Variants in MRTFA observed in about 807,000 individuals in gnomAD.
MRTFA encodes the protein myocardin-related transcription factor A.
Under a neutral mutation model 83.5 loss-of-function variants are expected in MRTFA, and 20 were observed. That is an observed-to-expected ratio of 0.24 (90% CI 0.17 to 0.35). MRTFA has a LOEUF of 0.35. Among genes scored for constraint, MRTFA ranks in the 10% least tolerant of loss-of-function variants. MRTFA has a pLI of 1.00. For synonymous variants in MRTFA, 659 were observed against 541.2 expected, an observed-to-expected ratio of 1.22 and a Z score of -3.02; for missense variants, 1,200 against 1,224.7, an observed-to-expected ratio of 0.98 and a Z score of 0.30.
At chr22:40,567,465 A>G (rs1383012463) in intron 2 of MRTFA, among the ~76,000 whole-genome samples, 2 of 152,228 alleles carry the variant, frequency 1.3e-5, no homozygotes, top group Non-Finnish European at 2.9e-5. Context: ...TCATCTGCAC[A>G]TATTTTGTGT....
chr22:40,426,047 T>A (rs1602223479), intron 7 of MRTFA, among the ~76,000 whole-genome samples: 1 of 152,118 alleles, frequency 6.6e-6, no homozygotes, highest in East Asian at 1.9e-4. Context: ...GAAGTCTTCC[T>A]GGAGGACAGG....
chr22:40,634,592 A>C (rs2056674958), intron 1 of MRTFA, among the ~76,000 whole-genome samples: 1 of 152,184 alleles, frequency 6.6e-6, no homozygotes, highest in Non-Finnish European at 1.5e-5. Context: ...TGCCTCTCCC[A>C]CTAGACTGTG....
rs115594869 is a variant in MRTFA at position 40,548,138 on chromosome 22, C to T, written c.241+3968G>A. 7.5e-3 allele frequency among the ~76,000 whole-genome samples: 1,133 copies of T among 151,572 alleles called. 14 individuals are homozygous for T. Among genetic ancestry groups the T allele is most frequent in the African/African-American group, 0.026 (1,091 of 41,318 alleles). ...GGCTGAGGCCAGGGGCAGAGGGGAT[C>T]ACTTGAAGTCAGGAGTTCGAGACCT... On this transcript the variant is annotated intron_variant, in intron 3 of 14. Transcript: ENST00000355630.
chr22:40,467,586 T>C (rs1191414343), intron 3 of MRTFA, among the ~76,000 whole-genome samples: 3 of 152,036 alleles, frequency 2.0e-5, no homozygotes, highest in Non-Finnish European at 4.4e-5. Context: ...ACTGCCAAAG[T>C]TACCAAAATC....
chr22:40,509,720 C>T (rs1569303867), intron 3 of MRTFA, among the ~76,000 whole-genome samples: 1 of 152,174 alleles, frequency 6.6e-6, no homozygotes, highest in African/African-American at 2.4e-5. Context: ...CTAATGGCAA[C>T]AGCTTTGCTA....
intron 3 of MRTFA, among the ~76,000 whole-genome samples, chr22:40,513,546 A>G (rs1202676481): frequency 1.3e-5 from 2 of 150,958 alleles, no homozygotes; most frequent in African/African-American, 4.9e-5. Context: ...GGTTGCAGTG[A>G]GCCAAGATCA....
intron 3 of MRTFA, among the ~76,000 whole-genome samples, chr22:40,469,467 C>T (rs572198160): frequency 2.2e-4 from 34 of 152,306 alleles, no homozygotes; most frequent in African/African-American, 6.7e-4. Flanking sequence ...GCTGAGCAGA[C>T]GCTGGTGCAA....
intron 1 of MRTFA, among the ~76,000 whole-genome samples, chr22:40,628,712 C>A (rs2056607679): frequency 6.6e-6 from 1 of 152,108 alleles, no homozygotes; most frequent in African/African-American, 2.4e-5. Context: ...TACAGATCTT[C>A]TATTACTGCT....
At chr22:40,606,228 T>C (rs2056317547) in intron 1 of MRTFA, among the ~76,000 whole-genome samples, 1 of 152,230 alleles carries the variant, frequency 6.6e-6, no homozygotes, top group African/African-American at 2.4e-5. Context: ...CTAGTAGTGT[T>C]TGTAATTGAT....
chr22:40,459,059 A>C (rs1339484306), intron 4 of MRTFA, among the ~76,000 whole-genome samples: 1 of 148,534 alleles, frequency 6.7e-6, no homozygotes, highest in Non-Finnish European at 1.5e-5. Flanking sequence ...TCGGCGACAG[A>C]GTGAGACTTT....
intron 4 of MRTFA, among the ~76,000 whole-genome samples, chr22:40,451,208 A>C (rs2053479885): frequency 6.6e-6 from 1 of 152,158 alleles, no homozygotes; most frequent in African/African-American, 2.4e-5. Flanking sequence ...TAGCTGACAC[A>C]CTAAAAATGC....
At chr22:40,596,075 T>C (rs183162195) in intron 1 of MRTFA, among the ~76,000 whole-genome samples, 2 of 151,730 alleles carry the variant, frequency 1.3e-5, no homozygotes, top group East Asian at 3.9e-4. Flanking sequence ...TCCTCCCCAT[T>C]ACCCACACCA....
chr22:40,547,268 A>G (rs186204332), intron 3 of MRTFA, among the ~76,000 whole-genome samples: 17 of 152,242 alleles, frequency 1.1e-4, no homozygotes, highest in Admixed American at 3.3e-4. Flanking sequence ...CTCAGGAAAT[A>G]ACTATTAAAG....
chr22:40,565,171 A>G (rs1434151684), intron 2 of MRTFA, among the ~76,000 whole-genome samples: 1 of 152,166 alleles, frequency 6.6e-6, no homozygotes. Flanking sequence ...AGCCCCTACC[A>G]TGTGTGTTAG....
At chr22:40,616,817 G>A (rs2056453999) in intron 1 of MRTFA, among the ~76,000 whole-genome samples, 1 of 152,156 alleles carries the variant, frequency 6.6e-6, no homozygotes, top group Admixed American at 6.5e-5. Context: ...AGATGGAGTA[G>A]CTGAGCACAG....
chr22:40,429,783 A>G lies in MRTFA; in HGVS notation c.440-16T>C. On this transcript the variant is annotated splice_polypyrimidine_tract_variant and intron_variant, in intron 6 of 14. Transcript: ENST00000355630. ...GCCGAGGTCTCTGCCCATGGGAGAG[A>G]AAGGGGTGCAGGAAGATATATGAGT... is the stretch of plus-strand genomic sequence containing the variant. 6.3e-7 allele frequency: 1 copy of G among 1,599,124 alleles called. No homozygotes were observed. The highest frequency in any genetic ancestry group is 1.1e-5 in the South Asian group (1 of 89,444).
At position 40,418,932 on chromosome 22, in the gene MRTFA, G is replaced by A. The variant is rs760204338; in HGVS notation, c.1806C>T (p.Gly602=). Residue 602 remains glycine, a synonymous_variant, in exon 12 of 15, where the codon GGC becomes GGT. Coordinates refer to ENST00000355630, the MANE Select transcript of MRTFA (RefSeq NM_020831.6). ...TCAGGCAACAGGACCCGGCCCGGGG[G>A]CCCTCCTCCTTCACGAGGATCTGCA... 7.4e-6 allele frequency: 12 copies of A among 1,612,804 alleles called. No homozygotes were observed. The South Asian group carries it at 8.8e-5, about 12-fold the overall frequency.
intron 3 of MRTFA, among the ~76,000 whole-genome samples, chr22:40,497,996 T>C (rs1213783938): frequency 1.3e-5 from 2 of 150,812 alleles, no homozygotes; most frequent in East Asian, 4.0e-4. Context: ...AAATATTAGA[T>C]GGGTGTAGTG....
intron 3 of MRTFA, among the ~76,000 whole-genome samples, chr22:40,536,343 G>A (rs973391809): frequency 4.6e-5 from 7 of 150,876 alleles, no homozygotes; most frequent in Middle Eastern, 3.4e-3. Context: ...CCGCCCGACC[G>A]CCGGGAGGAT....
Sources: allele counts gnomAD v4.1 joint callset (sites outside exome capture counted in the v4.1 genomes callset), GRCh38; gene constraint gnomAD v4.1.1; transcripts MANE v1.5; gene names NCBI Gene and HGNC (gene_info 2026-07-23, HGNC 2026-07-21).